Variants in SPTB observed in about 807,000 individuals in gnomAD.
SPTB encodes the protein spectrin beta chain, erythrocytic.
A neutral mutation model predicts 256.2 loss-of-function variants in SPTB; 45 were observed. That is an observed-to-expected ratio of 0.18 (90% confidence interval 0.14 to 0.23). SPTB has a LOEUF of 0.23. Ranked by LOEUF, SPTB falls within the 10% of genes least tolerant of loss-of-function variation. The pLI is 1.00. For missense variants in SPTB, 2,715 were observed against 3,040.4 expected (o/e 0.89, Z 2.52); for synonymous variants, 1,231 against 1,243.1 (o/e 0.99, Z 0.21).
intron 32 of SPTB, 76 bp downstream of exon 32, chr14:64,766,650 G>T: frequency 6.2e-7 from 1 of 1,612,890 alleles, no homozygotes; most frequent in Non-Finnish European, 8.5e-7. Flanking sequence ...CTCCACCTGG[G>T]CTGAGCCTAG....
At position 64,801,307 on chromosome 14, in the gene SPTB, G is replaced by A. The variant is rs1430992970; in HGVS notation, c.741C>T (p.Ile247=). Residue 247 remains isoleucine (I), a synonymous_variant, in exon 7 of 36, where the codon ATC becomes ATT. Transcript: ENST00000644917. ...CACCTTCGGGGTCGAGGAGCGGGAT[G>A]ATGCCCAGCTGGCGCTCAGCCACAT... ...AFNVAERQLG[I]IPLLDPEDVF... 3.7e-6 allele frequency: 6 copies of A among 1,614,072 alleles called. No homozygotes were observed. Among genetic ancestry groups the A allele is most frequent in the Non-Finnish European group, 5.1e-6 (6 of 1,179,940 alleles).
rs193067998 is a variant in SPTB, at chr14:64,872,149, A to T, written c.-52+7643T>A. Reference sequence around the variant, plus strand: ...CAACACCTCGACAAAAACAGAAATTAAAAAAAAATAGCCCATGGTACATTT... The same window carrying T: ...CAACACCTCGACAAAAACAGAAATTTAAAAAAAATAGCCCATGGTACATTT... On this transcript the variant is annotated intron_variant, in intron 1 of 35. Transcript: ENST00000644917. 2.1e-3 allele frequency among the ~76,000 whole-genome samples: 323 copies of T among 151,734 alleles called. 2 individuals carry two copies. Among genetic ancestry groups the T allele is most frequent in the African/African-American group, 7.4e-3 (308 of 41,406 alleles).
chr14:64,803,784 G>T lies in SPTB; in HGVS notation c.301-4C>A. ...TCTTCCCCTTGGTGGGCTTTGGCTGGGGGACAGCAGTGGCCCCCGTGGGCA... is the reference window on the plus strand; with the variant it reads ...TCTTCCCCTTGGTGGGCTTTGGCTGTGGGACAGCAGTGGCCCCCGTGGGCA... On this transcript the variant is annotated splice_region_variant and splice_polypyrimidine_tract_variant and intron_variant, in intron 3 of 35. Coordinates refer to ENST00000644917, the MANE Select transcript of SPTB (RefSeq NM_001355436.2). 1 of 1,605,782 alleles carries T rather than the reference G, an allele frequency of 6.2e-7. No individual in the cohort carries two copies. Among genetic ancestry groups the T allele is most frequent in the South Asian group, 1.1e-5 (1 of 90,122 alleles).
intron 1 of SPTB, among the ~76,000 whole-genome samples, chr14:64,857,714 A>C (rs2083896130): frequency 6.6e-6 from 1 of 152,072 alleles, no homozygotes. Flanking sequence ...TCTTGTTCTA[A>C]ATTGTTGTTT....
rs149033754 is a variant in SPTB at position 64,753,770 on chromosome 14, A to C, written c.6369T>G (p.Pro2123=). The stretch of plus-strand genomic sequence containing the variant: ...GCGGTGGTGGCTGCTGCAGGTTCTG[A>C]GGCCACGTTCCCTCTTCTTCCCCCT... The part of the protein sequence containing the change: ...TSPGEEEGTW[P]QNLQQPPPPG... The change falls in exon 33 of 36, where the codon CCT becomes CCG. Residue 2123 remains proline, a synonymous_variant. Transcript: ENST00000644917. The C allele has an allele frequency of 3.4e-4, 543 of 1,613,308 alleles. No homozygotes were observed. Among genetic ancestry groups the C allele is most frequent in the Non-Finnish European group, 4.5e-4 (532 of 1,179,986 alleles).
chr14:64,827,336 AG>A lies in SPTB; in HGVS notation c.-51-4192del, dbSNP rs1357208624. Among the ~76,000 whole-genome samples the A allele has an allele frequency of 6.6e-6, 1 of 152,238 alleles. No individual in the cohort carries two copies. The highest frequency in any genetic ancestry group is 1.5e-5 in the Non-Finnish European group (1 of 68,038). On this transcript the variant is annotated intron_variant, in intron 1 of 35. Transcript: ENST00000644917. This position sits in a 1 kb window ranked among gnomAD's most constrained non-coding sequence, Gnocchi z 4.6. ...AAACCGGGGGAATACAGGGCAACGC[AG>A]GGCTGAGGAGCAGGCTGTTGAAATA...
At chr14:64,805,435 C>A (rs1002668724) in intron 2 of SPTB, among the ~76,000 whole-genome samples, 1 of 152,198 alleles carries the variant, frequency 6.6e-6, no homozygotes, top group Non-Finnish European at 1.5e-5. Flanking sequence ...TACCCATCAA[C>A]CCATCAAATA....
chr14:64,823,228 A>G lies in SPTB; in HGVS notation c.-51-83T>C, dbSNP rs149325691. 1,201 of 1,023,588 alleles carry G rather than the reference A, an allele frequency of 1.2e-3. 10 individuals are homozygous for G. In the African/African-American group the frequency reaches 0.017, roughly 14 times the overall value. The allele number at this position is 1,023,588 out of a possible 1,614,324, so 63.4% of individuals were successfully genotyped here. On this transcript the variant is annotated intron_variant, in intron 1 of 35. Coordinates refer to ENST00000644917, the MANE Select transcript of SPTB (RefSeq NM_001355436.2). The surrounding 1 kb of genome is among the most constrained non-coding windows in gnomAD (Gnocchi z 6.5). ...CGGGGAAACTTATTCGGAGCATCCA[A>G]CGTGAGTAGATCCTGACAGAAGCAG...
At chr14:64,872,269 C>G (rs1372222637) in intron 1 of SPTB, among the ~76,000 whole-genome samples, 1 of 152,104 alleles carries the variant, frequency 6.6e-6, no homozygotes, top group African/African-American at 2.4e-5. Context: ...TTTCTCTCAT[C>G]CTCTATATCC....
Position 64,873,178 on chromosome 14 carries a change from T to C in SPTB, c.-52+6614A>G, listed in dbSNP as rs1882640346. Among the ~76,000 whole-genome samples the C allele has an allele frequency of 6.6e-6, 1 of 152,236 alleles. No homozygotes were observed. The highest frequency in any genetic ancestry group is 2.1e-4 in the South Asian group (1 of 4,830). Reference sequence around the variant, plus strand: ...TTCCCTTCATATTGCTTTATTTTTCTTTTTAGCACTTGAAATTACAATATA... The same window carrying C: ...TTCCCTTCATATTGCTTTATTTTTCCTTTTAGCACTTGAAATTACAATATA... On this transcript the variant is annotated intron_variant, in intron 1 of 35. Transcript: ENST00000644917. This position sits in a 1 kb window ranked among gnomAD's most constrained non-coding sequence, Gnocchi z 4.3.
intron 1 of SPTB, among the ~76,000 whole-genome samples, chr14:64,877,959 T>C (rs1482550729): frequency 2.0e-5 from 3 of 152,210 alleles, no homozygotes; most frequent in Non-Finnish European, 4.4e-5. Flanking sequence ...ATCCCAACTC[T>C]CTTCTGGGCA....
At position 64,772,519 on chromosome 14, in the gene SPTB, G is replaced by C; in HGVS notation, c.5553+61C>G. 2 of 1,591,208 alleles carry C rather than the reference G, an allele frequency of 1.3e-6. No homozygotes were observed. Among genetic ancestry groups the C allele is most frequent in the Non-Finnish European group, 1.7e-6 (2 of 1,176,702 alleles). On this transcript the variant is annotated intron_variant, in intron 26 of 35. Coordinates refer to ENST00000644917, the MANE Select transcript of SPTB (RefSeq NM_001355436.2). This position sits in a 1 kb window ranked among gnomAD's most constrained non-coding sequence, Gnocchi z 5.4. ...GGTTTTCCTGCTGACAGCCAGGTGG[G>C]GACTGACACCCAGGGCTCCTGGAAA...
At chr14:64,813,386 T>C (rs1200666863) in intron 2 of SPTB, among the ~76,000 whole-genome samples, 1 of 152,176 alleles carries the variant, frequency 6.6e-6, no homozygotes, top group Non-Finnish European at 1.5e-5. Flanking sequence ...CCATGGACCA[T>C]GAGCCTTCTG....
At position 64,872,877 on chromosome 14, in the gene SPTB, A is replaced by T. The variant is rs191762920; in HGVS notation, c.-52+6915T>A. On this transcript the variant is annotated intron_variant, in intron 1 of 35. Coordinates refer to ENST00000644917, the MANE Select transcript of SPTB (RefSeq NM_001355436.2). ...GAACATGCGCCTGCCACCATGTATG[A>T]CATGCCTTTGCTCCTCCTTTGCCTT... is the stretch of plus-strand genomic sequence containing the variant. Among the ~76,000 whole-genome samples, 1,228 of 152,304 alleles carry T rather than the reference A, an allele frequency of 8.1e-3. 15 individuals are homozygous for T. The highest frequency in any genetic ancestry group is 0.017 in the South Asian group (81 of 4,826).
At position 64,753,399 on chromosome 14, in the gene SPTB, G is replaced by A. The variant is rs28405664; in HGVS notation, c.6602+138C>T. On this transcript the variant is annotated intron_variant, in intron 33 of 35. Transcript: ENST00000644917. ...TAGCCCTCGGGGCTGGCCCAGAGGG[G>A]TGTCTAGGAGCTCTCACAGGCCAAG... The A allele has an allele frequency of 8.4e-3, 11,022 of 1,304,504 alleles. 531 individuals are homozygous for A. The African/African-American group carries it at 0.12, about 14-fold the overall frequency. The allele number at this position is 1,304,504 out of a possible 1,614,324, so 80.8% of individuals were successfully genotyped here. A position where few individuals can be genotyped will look rare whatever the true frequency, so the allele number is the denominator to read the frequency against.
intron 1 of SPTB, among the ~76,000 whole-genome samples, chr14:64,877,399 G>A (rs1882876742): frequency 6.6e-6 from 1 of 152,174 alleles, no homozygotes; most frequent in African/African-American, 2.4e-5. Flanking sequence ...TATATTCCCT[G>A]CTGAGTGTCT....
intron 1 of SPTB, among the ~76,000 whole-genome samples, chr14:64,860,201 A>T (rs1288063580): frequency 1.3e-5 from 2 of 152,238 alleles, no homozygotes; most frequent in Non-Finnish European, 2.9e-5. Flanking sequence ...AAGCAAAGAA[A>T]GTATATTCAC....
At position 64,799,770 on chromosome 14, in the gene SPTB, G is replaced by A. The variant is rs767616928; in HGVS notation, c.1041C>T (p.Tyr347=). ...ACTTGGGCGGCTTCTCCACGGTGCG[G>A]TAGGTGCTGAAGGCCTGCAGCTGCT... ...VQQQLQAFST[Y]RTVEKPPKFQ... is the part of the protein sequence containing the mutation. The change falls in exon 9 of 36, where the codon TAC becomes TAT. Residue 347 remains tyrosine (Y), a synonymous_variant. Transcript: ENST00000644917. 6.2e-7 allele frequency: 1 copy of A among 1,614,206 alleles called. No homozygotes were observed. Among genetic ancestry groups the A allele is most frequent in the South Asian group, 1.1e-5 (1 of 91,080 alleles).
At chr14:64,774,976 G>A in intron 23 of SPTB, 149 bp downstream of exon 23, 1 of 1,149,874 alleles carries the variant, frequency 8.7e-7, no homozygotes, top group Non-Finnish European at 1.3e-6. Flanking sequence ...GAGGCACCAA[G>A]GGAGGGCAGG....
Sources: gnomAD v4.1 joint callset for allele counts (sites outside exome capture counted in the v4.1 genomes callset) on GRCh38, gnomAD v4.1.1 for gene constraint, Gnocchi (gnomAD v3.1) non-coding constraint, MANE v1.5 for transcripts, NCBI Gene and HGNC (gene_info 2026-07-23, HGNC 2026-07-21) for gene names.